The following DOCK2 variants were observed in gnomAD, a reference collection of about 807,000 sequenced individuals.
DOCK2 encodes the protein dedicator of cytokinesis protein 2.
Under a neutral mutation model 248.9 loss-of-function variants are expected in DOCK2, and 87 were observed. The observed-to-expected ratio is 0.35, with a 90% CI of 0.29 to 0.42. The LOEUF (loss-of-function observed/expected upper bound fraction) is 0.42, where lower values mean the gene tolerates loss of function less well. DOCK2 is among the 10% of genes least tolerant of loss of function. The pLI is 1.00. For synonymous variants in DOCK2, 805 were observed against 821.6 expected, an observed-to-expected ratio of 0.98 and a Z score of 0.35; for missense variants, 1,747 against 2,300.2, an observed-to-expected ratio of 0.76 and a Z score of 4.92.
chr5:169,989,831 C>T (rs970157089), intron 29 of DOCK2, among the ~76,000 whole-genome samples: 7 of 152,146 alleles, frequency 4.6e-5, no homozygotes, highest in East Asian at 1.9e-4. Flanking sequence ...ACATAGCAAG[C>T]GCTTCATAAA....
chr5:170,081,969 G>T lies in DOCK2; in HGVS notation c.5415G>T (p.Gln1805His). ...KKTLTRKKVNQFFKTMLASKS... is the reference protein window; with the variant it reads ...KKTLTRKKVNHFFKTMLASKS... ...CACTCACACGGAAGAAGGTCAATCAGTTCTTCAAGACAATGGTGAGGACAT... is the reference window on the plus strand; with the variant it reads ...CACTCACACGGAAGAAGGTCAATCATTTCTTCAAGACAATGGTGAGGACAT... The change falls in exon 51 of 52, where the codon CAG becomes CAT. Residue 1805 changes from glutamine (Q) to histidine (H), a missense_variant. Physicochemically the swap from Gln to His is conservative, Grantham distance 24. Around this residue, in one of 4 missense-constraint regions of DOCK2, gnomAD observed 513 missense variants for 586.1 expected, o/e 0.88. Transcript: ENST00000520908. The T allele has an allele frequency of 6.2e-7, 1 of 1,614,048 alleles. No homozygotes were observed. Among genetic ancestry groups the T allele is most frequent in the Middle Eastern group, 1.7e-4 (1 of 6,046 alleles).
intron 25 of DOCK2, among the ~76,000 whole-genome samples, chr5:169,762,991 C>T (rs1764574875): frequency 6.6e-6 from 1 of 152,116 alleles, no homozygotes. Flanking sequence ...TATCCTCTCC[C>T]CAGAGTTAAG....
chr5:169,712,077 C>T (rs755177306), intron 16 of DOCK2, 43 bp from the exon 17 acceptor site: 1 of 1,613,530 alleles, frequency 6.2e-7, no homozygotes. Context: ...GCTGGGTGGC[C>T]CATGTATCAT....
intron 29 of DOCK2, among the ~76,000 whole-genome samples, chr5:169,994,442 A>G (rs1472014158): frequency 6.6e-6 from 1 of 152,212 alleles, no homozygotes; most frequent in Non-Finnish European, 1.5e-5. Flanking sequence ...GCAGAAGCTC[A>G]TAGTCTGAAA....
chr5:169,863,252 T>C (rs1771316756), intron 27 of DOCK2, among the ~76,000 whole-genome samples: 1 of 152,200 alleles, frequency 6.6e-6, no homozygotes, highest in African/African-American at 2.4e-5. Context: ...AGGTGACCAT[T>C]GTCTGGTCAC....
chr5:169,971,821 C>T (rs1230250181), intron 27 of DOCK2, among the ~76,000 whole-genome samples: 2 of 152,220 alleles, frequency 1.3e-5, no homozygotes, highest in Non-Finnish European at 2.9e-5. Flanking sequence ...CCATATTCTT[C>T]CCCTCTAAAT....
At chr5:170,079,464 G>A (rs1757950216) in intron 49 of DOCK2, 1 of 311,986 alleles carries the variant, frequency 3.2e-6, no homozygotes, top group African/African-American at 2.1e-5. Context: ...CCAAAAGGGA[G>A]AGCAGCCCAC....
intron 43 of DOCK2, chr5:170,057,276 T>G: frequency 2.3e-6 from 1 of 440,242 alleles, no homozygotes; most frequent in Non-Finnish European, 4.2e-6. Flanking sequence ...TAATGAACAC[T>G]GGGAACCCTT....
intron 25 of DOCK2, among the ~76,000 whole-genome samples, chr5:169,774,067 C>T (rs1282665948): frequency 6.6e-6 from 1 of 152,130 alleles, no homozygotes; most frequent in East Asian, 1.9e-4. Flanking sequence ...TGGGCTAATA[C>T]AAGCATCCTG....
chr5:169,854,170 A>C (rs181917810), intron 27 of DOCK2, among the ~76,000 whole-genome samples: 2 of 149,972 alleles, frequency 1.3e-5, no homozygotes, highest in African/African-American at 4.9e-5. Context: ...TTAAGGGGAC[A>C]GTCAAACTTA....
chr5:170,055,792 T>G (rs1039917152), intron 42 of DOCK2, among the ~76,000 whole-genome samples: 2 of 152,162 alleles, frequency 1.3e-5, no homozygotes, highest in Non-Finnish European at 2.9e-5. Flanking sequence ...CAGAGGGACA[T>G]CTCCTCAGCA....
chr5:169,692,352 A>G lies in DOCK2; in HGVS notation c.843+3019A>G, dbSNP rs146064769. On this transcript the variant is annotated intron_variant, in intron 9 of 51. Transcript: ENST00000520908. ...TAAGTTCCATTGCCCTGCTTCCCCAATACTTTCGAGTTTTGTAAGGCCGAA... is the reference window on the plus strand; with the variant it reads ...TAAGTTCCATTGCCCTGCTTCCCCAGTACTTTCGAGTTTTGTAAGGCCGAA... 3.9e-3 allele frequency among the ~76,000 whole-genome samples: 599 copies of G among 152,340 alleles called. 3 individuals carry two copies. Among genetic ancestry groups the G allele is most frequent in the African/African-American group, 0.014 (576 of 41,584 alleles).
intron 9 of DOCK2, among the ~76,000 whole-genome samples, chr5:169,689,901 G>A (rs1228905974): frequency 1.3e-5 from 2 of 152,130 alleles, no homozygotes; most frequent in Non-Finnish European, 2.9e-5. Flanking sequence ...TGTTGAAATC[G>A]ATTGTTATTT....
intron 8 of DOCK2, among the ~76,000 whole-genome samples, chr5:169,688,133 C>A (rs537488240): frequency 7.2e-5 from 11 of 152,202 alleles, no homozygotes; most frequent in Non-Finnish European, 1.6e-4. Context: ...ACCATGTTGC[C>A]CAAGCTGGTC....
chr5:169,702,271 C>G, intron 13 of DOCK2, 32 bp from the exon 14 acceptor site: 1 of 1,611,164 alleles, frequency 6.2e-7, no homozygotes, highest in African/African-American at 1.3e-5. Flanking sequence ...GTAATCCACA[C>G]TAACTCTTGT....
chr5:169,822,684 C>T (rs926232896), intron 26 of DOCK2, among the ~76,000 whole-genome samples: 1 of 152,094 alleles, frequency 6.6e-6, no homozygotes, highest in Non-Finnish European at 1.5e-5. Context: ...CTAAAATTGA[C>T]ACCCTAACAT....
chr5:169,836,748 T>C (rs540771427), intron 26 of DOCK2, among the ~76,000 whole-genome samples: 7 of 152,264 alleles, frequency 4.6e-5, no homozygotes, highest in Non-Finnish European at 1.0e-4. Flanking sequence ...GAAAAGGTGT[T>C]TTTACAAGAA....
intron 26 of DOCK2, among the ~76,000 whole-genome samples, chr5:169,824,021 A>G (rs1289089566): frequency 6.6e-6 from 1 of 152,234 alleles, no homozygotes; most frequent in African/African-American, 2.4e-5. Context: ...CTCTTTCATA[A>G]TTGCTTCAAA....
At chr5:169,844,879 G>A (rs1048271386) in intron 27 of DOCK2, among the ~76,000 whole-genome samples, 4 of 151,900 alleles carry the variant, frequency 2.6e-5, no homozygotes, top group African/African-American at 4.8e-5. Flanking sequence ...GAATTAAATC[G>A]TATAATACAG....
Sources: gnomAD v4.1 joint callset for allele counts (sites outside exome capture counted in the v4.1 genomes callset) on GRCh38, gnomAD v4.1.1 for gene constraint, gnomAD v4.1.1 regional missense constraint, MANE v1.5 for transcripts, NCBI Gene and HGNC (gene_info 2026-07-23, HGNC 2026-07-21) for gene names.